The following E2F3 variants were observed in gnomAD, a reference collection of about 807,000 sequenced individuals.
The protein encoded by E2F3 is transcription factor E2F3.
E2F3 carries 11 observed loss-of-function variants against 44.4 expected under a neutral mutation model. That is an observed-to-expected ratio of 0.25 (90% CI 0.16 to 0.41). E2F3 has a LOEUF of 0.41. Ranked by LOEUF, E2F3 falls within the 10% of genes least tolerant of loss-of-function variation. E2F3 has a pLI of 1.00. For missense variants in E2F3, 487 were observed against 583.6 expected (o/e 0.83, Z 1.70); for synonymous variants, 249 against 253.0 (o/e 0.98, Z 0.15).
intron 1 of E2F3, among the ~76,000 whole-genome samples, chr6:20,415,610 G>A (rs1419037379): frequency 6.6e-6 from 1 of 152,218 alleles, no homozygotes; most frequent in African/African-American, 2.4e-5. Context: ...AAGGGTAGAA[G>A]AGGATATCAT....
At chr6:20,439,745 TGGTGTCA>T (rs1760711140) in intron 1 of E2F3, among the ~76,000 whole-genome samples, 1 of 152,182 alleles carries the variant, frequency 6.6e-6, no homozygotes, top group Non-Finnish European at 1.5e-5. Flanking sequence ...TTGCCCAGGC[TGGTGTCA>T]AACTCCTGGG....
intron 1 of E2F3, among the ~76,000 whole-genome samples, chr6:20,416,534 GT>G (rs1759852167): frequency 6.6e-6 from 1 of 152,090 alleles, no homozygotes; most frequent in South Asian, 2.1e-4. Context: ...TAAGTATGTG[GT>G]GCTGGACCAG....
chr6:20,437,084 G>C (rs1760611549), intron 1 of E2F3, among the ~76,000 whole-genome samples: 1 of 152,184 alleles, frequency 6.6e-6, no homozygotes, highest in Admixed American at 6.5e-5. Context: ...AGCTGTGATT[G>C]TGCTGCTGCA....
chr6:20,475,693 G>A (rs1460429411), intron 1 of E2F3, among the ~76,000 whole-genome samples: 1 of 152,030 alleles, frequency 6.6e-6, no homozygotes, highest in East Asian at 1.9e-4. Context: ...GTAGAGTTAG[G>A]GTTTCACCAG....
In E2F3 at chr6:20,491,096, T is replaced by A. The variant is rs1561891092; in HGVS notation, c.*666T>A. On this transcript the variant is annotated 3_prime_UTR_variant, in exon 7 of 7. Transcript: ENST00000346618. ...TATACTTGTTGCAGATACAGAAGAC[T>A]AGTAGAGTTCTGCCACTCTAAGCTG... 1 of 231,258 alleles carries A rather than the reference T, an allele frequency of 4.3e-6. No individual in the cohort carries two copies. Among genetic ancestry groups the A allele is most frequent in the African/African-American group, 2.2e-5 (1 of 45,226 alleles). 14.3% of individuals were successfully genotyped at this position (231,258 alleles called of 1,614,324 possible). A position where few individuals can be genotyped will look rare whatever the true frequency, so the allele number is the denominator to read the frequency against.
At chr6:20,489,605 T>C (rs1020362578) in intron 6 of E2F3, among the ~76,000 whole-genome samples, 1 of 152,244 alleles carries the variant, frequency 6.6e-6, no homozygotes, top group Non-Finnish European at 1.5e-5. Context: ...GAACTTGTTA[T>C]CCTCTCATCA....
chr6:20,470,393 G>T (rs905569700), intron 1 of E2F3, among the ~76,000 whole-genome samples: 4 of 152,168 alleles, frequency 2.6e-5, no homozygotes, highest in Admixed American at 6.5e-5. Context: ...ATATTTGAAT[G>T]GATTCAAAAA....
chr6:20,407,199 C>T (rs1291567417), intron 1 of E2F3, among the ~76,000 whole-genome samples: 5 of 152,074 alleles, frequency 3.3e-5, no homozygotes, highest in Non-Finnish European at 7.4e-5. Flanking sequence ...TGGTTGATGC[C>T]AAGTTTAAGC....
At chr6:20,424,485 C>T (rs1760144662) in intron 1 of E2F3, among the ~76,000 whole-genome samples, 1 of 151,954 alleles carries the variant, frequency 6.6e-6, no homozygotes, top group African/African-American at 2.4e-5. Context: ...CTACTCTGCT[C>T]CATTGATACC....
At chr6:20,474,702 T>C (rs1320493946) in intron 1 of E2F3, among the ~76,000 whole-genome samples, 2 of 152,246 alleles carry the variant, frequency 1.3e-5, no homozygotes, top group Non-Finnish European at 2.9e-5. Flanking sequence ...TTTTTTGTTT[T>C]ACCAGGCATG....
chr6:20,456,015 A>G (rs1581622278), intron 1 of E2F3, among the ~76,000 whole-genome samples: 1 of 152,280 alleles, frequency 6.6e-6, no homozygotes, highest in East Asian at 1.9e-4. Flanking sequence ...TTAGAATTCT[A>G]TGATGGTTTT....
intron 1 of E2F3, among the ~76,000 whole-genome samples, chr6:20,425,492 G>A (rs1191180623): frequency 6.6e-6 from 1 of 151,124 alleles, no homozygotes; most frequent in African/African-American, 2.4e-5. Flanking sequence ...GGGTTCAACC[G>A]ATTCTTCTGC....
At chr6:20,442,885 A>C (rs1163737457) in intron 1 of E2F3, among the ~76,000 whole-genome samples, 1 of 151,872 alleles carries the variant, frequency 6.6e-6, no homozygotes, top group East Asian at 1.9e-4. Flanking sequence ...CAGGAGAATC[A>C]CTTGAACCTA....
At chr6:20,426,457 C>A (rs1473682178) in intron 1 of E2F3, among the ~76,000 whole-genome samples, 1 of 152,196 alleles carries the variant, frequency 6.6e-6, no homozygotes, top group Non-Finnish European at 1.5e-5. Context: ...TACTTCCAGA[C>A]TGAGAGGTAA....
intron 1 of E2F3, among the ~76,000 whole-genome samples, chr6:20,416,787 T>G (rs534717733): frequency 6.2e-4 from 94 of 152,206 alleles, no homozygotes; most frequent in African/African-American, 2.2e-3. Flanking sequence ...AATAAGGTGT[T>G]GCTCATATCA....
intron 1 of E2F3, among the ~76,000 whole-genome samples, chr6:20,466,937 C>T (rs1761733548): frequency 6.6e-6 from 1 of 152,166 alleles, no homozygotes; most frequent in South Asian, 2.1e-4. Context: ...GCCTTGGCCT[C>T]CCAAAGTGCT....
intron 1 of E2F3, among the ~76,000 whole-genome samples, chr6:20,404,295 G>GATT (rs1759418639): frequency 1.3e-5 from 2 of 152,172 alleles, no homozygotes; most frequent in Non-Finnish European, 2.9e-5. Flanking sequence ...AGGTCAGTAT[G>GATT]CGGCTTCTCT....
intron 1 of E2F3, among the ~76,000 whole-genome samples, chr6:20,447,554 A>G (rs1170263300): frequency 6.7e-6 from 1 of 148,782 alleles, no homozygotes. Flanking sequence ...TTTTTTTTTT[A>G]AACAGTGATT....
intron 1 of E2F3, among the ~76,000 whole-genome samples, chr6:20,407,119 C>T (rs1759518457): frequency 6.6e-6 from 1 of 152,072 alleles, no homozygotes. Flanking sequence ...TTTTCCTGTA[C>T]AATTATAAAA....
Sources: allele counts gnomAD v4.1 joint callset (sites outside exome capture counted in the v4.1 genomes callset), GRCh38; gene constraint gnomAD v4.1.1; transcripts MANE v1.5; gene names NCBI Gene and HGNC (gene_info 2026-07-23, HGNC 2026-07-21).